PUS7: variants seen among roughly 807,000 people sequenced by gnomAD.
PUS7 encodes the protein pseudouridine synthase 7.
Under a neutral mutation model 79.8 loss-of-function variants are expected in PUS7, and 48 were observed. That is an observed-to-expected ratio of 0.60 (90% CI 0.48 to 0.76). The LOEUF (loss-of-function observed/expected upper bound fraction) is 0.76. Among genes scored for constraint, PUS7 ranks in the 30% least tolerant of loss-of-function variants. The pLI, the probability that PUS7 is intolerant of heterozygous loss-of-function variation, is 0.00. For missense variants in PUS7, 729 were observed against 797.6 expected, an observed-to-expected ratio of 0.91 and a Z score of 1.04; for synonymous variants, 286 against 272.2, an observed-to-expected ratio of 1.05 and a Z score of -0.50.
chr7:105,521,237 GGGGA>G (rs138185775), intron 1 of PUS7, among the ~76,000 whole-genome samples: 20,948 of 152,028 alleles, frequency 0.14, 1,904 homozygotes, highest in South Asian at 0.26. Context: ...TGGGGATGGG[GGGGA>G]GGGAACCTTA....
intron 12 of PUS7, among the ~76,000 whole-genome samples, chr7:105,466,191 T>A (rs960388599): frequency 6.6e-6 from 1 of 151,990 alleles, no homozygotes; most frequent in Non-Finnish European, 1.5e-5. Context: ...AGTTTGGATA[T>A]ATATCCTTCT....
intron 1 of PUS7, among the ~76,000 whole-genome samples, chr7:105,521,718 T>G (rs1240484616): frequency 2.0e-5 from 3 of 150,532 alleles, no homozygotes; most frequent in Admixed American, 6.6e-5. Flanking sequence ...AAGGGAGGAG[T>G]GGGAAGGGGG....
chr7:105,499,658 G>A (rs1285624776), intron 5 of PUS7, among the ~76,000 whole-genome samples: 2 of 152,152 alleles, frequency 1.3e-5, no homozygotes, highest in East Asian at 3.9e-4. Context: ...GTAATTTGTG[G>A]TGTTTGGGAA....
intron 7 of PUS7, among the ~76,000 whole-genome samples, chr7:105,491,234 T>A (rs1287719902): frequency 1.3e-5 from 2 of 152,206 alleles, no homozygotes; most frequent in African/African-American, 4.8e-5. Flanking sequence ...TCTGTAGCTC[T>A]CGGGTGTACA....
chr7:105,496,848 T>C, intron 5 of PUS7: 1 of 666,280 alleles, frequency 1.5e-6, no homozygotes, highest in Non-Finnish European at 1.9e-6. Context: ...CATTTTCGGT[T>C]TTCCTTCCAG....
At chr7:105,491,859 C>T (rs1352592519) in intron 6 of PUS7, among the ~76,000 whole-genome samples, 3 of 152,024 alleles carry the variant, frequency 2.0e-5, no homozygotes. Context: ...GAGTTCAAGA[C>T]CAGCCTAACC....
intron 13 of PUS7, among the ~76,000 whole-genome samples, chr7:105,464,388 G>A (rs914388978): frequency 6.6e-5 from 10 of 152,272 alleles, no homozygotes; most frequent in Middle Eastern, 3.4e-3. Flanking sequence ...CAGCTGTGTC[G>A]GTGAGGGTGT....
chr7:105,494,644 G>A (rs563705533), intron 6 of PUS7, among the ~76,000 whole-genome samples: 15 of 151,944 alleles, frequency 9.9e-5, no homozygotes, highest in East Asian at 5.8e-4. Context: ...TCTTGACCTC[G>A]TGATCTGCCT....
At chr7:105,496,821 C>CT in intron 5 of PUS7, 1 of 329,442 alleles carries the variant, frequency 3.0e-6, no homozygotes, top group Non-Finnish European at 4.5e-6. Context: ...CTTCAGAAAA[C>CT]TGTTGAGCAG....
Position 105,507,209 on chromosome 7 carries a change from C to A in PUS7, c.398+906G>T, listed in dbSNP as rs575025712. On this transcript the variant is annotated intron_variant, in intron 2 of 15. Transcript: ENST00000469408. ...TACAGGCGCGTGCCACTACGCCAGG[C>A]TAATTTTTGTATTATTAGTAGAGAC... is the stretch of plus-strand genomic sequence containing the variant. Among the ~76,000 whole-genome samples, 8 of 152,036 alleles carry A rather than the reference C, an allele frequency of 5.3e-5. No individual in the cohort carries two copies. In the South Asian group the frequency reaches 1.7e-3, roughly 32 times the overall value.
At chr7:105,476,736 G>A (rs1251239253) in intron 9 of PUS7, among the ~76,000 whole-genome samples, 1 of 152,102 alleles carries the variant, frequency 6.6e-6, no homozygotes, top group African/African-American at 2.4e-5. Context: ...CAAAGCCCAG[G>A]TTTCTAATTT....
chr7:105,501,797 TACAA>T (rs1825259411), intron 5 of PUS7, among the ~76,000 whole-genome samples: 1 of 151,618 alleles, frequency 6.6e-6, no homozygotes, highest in Non-Finnish European at 1.5e-5. Flanking sequence ...CTACTAAAAA[TACAA>T]ACAATTAGCC....
rs1035554372 is a variant in PUS7, at chr7:105,515,827, T to A, written c.-33+6225A>T. On this transcript the variant is annotated intron_variant, in intron 1 of 15. Coordinates refer to ENST00000469408, the MANE Select transcript of PUS7 (RefSeq NM_019042.5). The stretch of plus-strand genomic sequence containing the variant: ...TATTTATTTATTTATTTATTTATTT[T>A]GAGACAGAGTCTCACTCTGTTGCCC... Among the ~76,000 whole-genome samples the A allele has an allele frequency of 9.9e-5, 9 of 90,628 alleles. No individual in the cohort carries two copies. In the East Asian group the frequency reaches 1.0e-3, roughly 10 times the overall value. The allele number at this position is 90,628 out of a possible 152,430, so 59.5% of individuals were successfully genotyped here.
intron 3 of PUS7, 55 bp from the exon 4 acceptor site, chr7:105,506,111 T>TA: frequency 6.4e-7 from 1 of 1,571,196 alleles, no homozygotes; most frequent in Non-Finnish European, 8.7e-7. Context: ...TCAAGTTTAA[T>TA]AAAGCTCTAT....
chr7:105,494,250 T>G (rs1345380733), intron 6 of PUS7, among the ~76,000 whole-genome samples: 1 of 152,148 alleles, frequency 6.6e-6, no homozygotes, highest in African/African-American at 2.4e-5. Context: ...TGCGAATCAT[T>G]TACTTATGGA....
rs1458836010 is a variant in PUS7, at chr7:105,457,401, T to A, written c.*389A>T. The A allele has an allele frequency of 6.5e-6, 1 of 154,262 alleles. No individual in the cohort carries two copies. Among genetic ancestry groups the A allele is most frequent in the Non-Finnish European group, 1.4e-5 (1 of 69,478 alleles). The allele number at this position is 154,262 out of a possible 1,614,324, so 9.6% of individuals were successfully genotyped here. Reference sequence around the variant, plus strand: ...CATAGTCCAGATTTGTTTTGTTGCATTTGCTCTTAAAATGCATTGTTGTAT... The same window carrying A: ...CATAGTCCAGATTTGTTTTGTTGCAATTGCTCTTAAAATGCATTGTTGTAT... On this transcript the variant is annotated 3_prime_UTR_variant, in exon 16 of 16. Coordinates refer to ENST00000469408, the MANE Select transcript of PUS7 (RefSeq NM_019042.5).
intron 1 of PUS7, among the ~76,000 whole-genome samples, chr7:105,511,991 A>G (rs1825719664): frequency 6.6e-6 from 1 of 151,992 alleles, no homozygotes; most frequent in Non-Finnish European, 1.5e-5. Context: ...TAAAAATACA[A>G]AAAATTATCC....
chr7:105,474,895 T>C (rs568627778), intron 9 of PUS7, among the ~76,000 whole-genome samples: 92 of 152,334 alleles, frequency 6.0e-4, no homozygotes, highest in Non-Finnish European at 8.5e-4. Flanking sequence ...GCCATGCTCA[T>C]TGCTTTGCAT....
In PUS7 at chr7:105,505,849, A is replaced by G. The variant is rs112571314; in HGVS notation, c.585+106T>C. 4.4e-4 allele frequency: 407 copies of G among 922,686 alleles called. 1 individual carries two copies. The African/African-American group carries it at 5.9e-3, about 13-fold the overall frequency. The allele number at this position is 922,686 out of a possible 1,614,324, so 57.2% of individuals were successfully genotyped here. ...ATCCTTTAGATCCAATAGAGCAAAA[A>G]GTCACCCTTTGTTAACCATTGTAAT... On this transcript the variant is annotated intron_variant, in intron 4 of 15. Coordinates refer to ENST00000469408, the MANE Select transcript of PUS7 (RefSeq NM_019042.5).
Sources: gnomAD v4.1 joint callset for allele counts (sites outside exome capture counted in the v4.1 genomes callset) on GRCh38, gnomAD v4.1.1 for gene constraint, MANE v1.5 for transcripts, NCBI Gene and HGNC (gene_info 2026-07-23, HGNC 2026-07-21) for gene names.